DPYSL2: variants seen among roughly 807,000 people sequenced by gnomAD.
The protein encoded by DPYSL2 is dihydropyrimidinase-related protein 2.
Under a neutral mutation model 69.9 loss-of-function variants are expected in DPYSL2, and 13 were observed. The observed-to-expected ratio is 0.19, with a 90% CI of 0.12 to 0.30. DPYSL2 has a LOEUF of 0.30. Among genes scored for constraint, DPYSL2 ranks in the 10% least tolerant of loss-of-function variants. The pLI, the probability that DPYSL2 is intolerant of heterozygous loss-of-function variation, is 1.00. For missense variants in DPYSL2, 587 were observed against 918.9 expected (o/e 0.64, Z 4.67); for synonymous variants, 326 against 359.1 (o/e 0.91, Z 1.04).
At position 26,621,945 on chromosome 8, in the gene DPYSL2, G is replaced by C. The variant is rs1802490106; in HGVS notation, c.629-2198G>C. Among the ~76,000 whole-genome samples, 1 of 152,226 alleles carries C rather than the reference G, an allele frequency of 6.6e-6. No individual in the cohort carries two copies. ...GGGGAATGGCAGTGTTTGATGAAAGGTTTAAGATCCTTCTAGCTGCTTCTG... is the reference window on the plus strand; with the variant it reads ...GGGGAATGGCAGTGTTTGATGAAAGCTTTAAGATCCTTCTAGCTGCTTCTG... On this transcript the variant is annotated intron_variant, in intron 3 of 13. Transcript: ENST00000521913. This position sits in a 1 kb window ranked among gnomAD's most constrained non-coding sequence, Gnocchi z 4.9.
At chr8:26,523,169 A>T (rs12682608) in intron 1 of DPYSL2, among the ~76,000 whole-genome samples, 116,438 of 150,488 alleles carry the variant, frequency 0.77, 48,106 homozygotes, top group East Asian at 0.94. Context: ...ATATATATAT[A>T]TTTTTAAATA....
At chr8:26,528,801 A>G (rs1254784930) in intron 1 of DPYSL2, among the ~76,000 whole-genome samples, 2 of 152,204 alleles carry the variant, frequency 1.3e-5, no homozygotes, top group Non-Finnish European at 2.9e-5. Flanking sequence ...ATAGGTGGCC[A>G]AGAGCCTTTA....
At chr8:26,536,770 G>T (rs909056494) in intron 1 of DPYSL2, among the ~76,000 whole-genome samples, 4 of 152,188 alleles carry the variant, frequency 2.6e-5, no homozygotes, top group Non-Finnish European at 5.9e-5. Context: ...GAATGAAGAG[G>T]AATCTGTAAG....
intron 3 of DPYSL2, among the ~76,000 whole-genome samples, chr8:26,594,862 A>T (rs1801822148): frequency 6.6e-6 from 1 of 152,156 alleles, no homozygotes; most frequent in Non-Finnish European, 1.5e-5. Flanking sequence ...TTTTGAACAT[A>T]GCAGGAAAAA....
intron 7 of DPYSL2, among the ~76,000 whole-genome samples, chr8:26,634,428 C>CTTTTTTTTTTTTT (rs55746168): frequency 3.3e-5 from 3 of 91,146 alleles, no homozygotes; most frequent in East Asian, 3.8e-4. Context: ...CCATGCCCAG[C>CTTTTTTTTTTTTT]TTTTTTTTTT....
chr8:26,557,974 C>G (rs971945502), intron 1 of DPYSL2, among the ~76,000 whole-genome samples: 3 of 151,828 alleles, frequency 2.0e-5, no homozygotes, highest in African/African-American at 7.3e-5. Context: ...GCAACAGGAA[C>G]TCTCATTCAT....
intron 3 of DPYSL2, among the ~76,000 whole-genome samples, chr8:26,592,822 A>T (rs1304604323): frequency 6.6e-6 from 1 of 151,926 alleles, no homozygotes; most frequent in African/African-American, 2.4e-5. Context: ...TGGCCAAGGG[A>T]TTTGTGTTTT....
rs1019542311 is a variant in DPYSL2 at position 26,652,284 on chromosome 8, A to G, written c.1624A>G (p.Met542Val). Residue 542 changes from methionine to valine, a missense_variant, in exon 12 of 14, where the codon ATG becomes GTG. Physicochemically the swap from Met to Val is conservative, Grantham distance 21. Around this residue, in one of 3 missense-constraint regions of DPYSL2, gnomAD observed 452 missense variants for 754.3 expected, o/e 0.60. Coordinates refer to ENST00000521913, the MANE Select transcript of DPYSL2 (RefSeq NM_001197293.3). The surrounding 1 kb of genome is among the most constrained non-coding windows in gnomAD (Gnocchi z 6.3). ...SSLEYNIFEG[M>V]ECRGSPLVVI... ...TCTCGAGTACAACATCTTTGAAGGC[A>G]TGGAGTGCCGCGGCTCCCCACTGGT... 24 of 1,613,952 alleles carry G rather than the reference A, an allele frequency of 1.5e-5. No individual in the cohort carries two copies. The African/African-American group carries it at 2.0e-4, about 13-fold the overall frequency.
At chr8:26,543,329 C>A (rs1800714102) in intron 1 of DPYSL2, among the ~76,000 whole-genome samples, 1 of 152,198 alleles carries the variant, frequency 6.6e-6, no homozygotes, top group African/African-American at 2.4e-5. Flanking sequence ...CATCTGCATA[C>A]ATCTCTCCCT....
intron 1 of DPYSL2, among the ~76,000 whole-genome samples, chr8:26,515,792 A>G (rs937358953): frequency 1.3e-5 from 2 of 152,230 alleles, no homozygotes; most frequent in African/African-American, 4.8e-5. Context: ...TCAATGAATG[A>G]TTGTTGATTG....
rs942263999 is a variant in DPYSL2, at chr8:26,593,152, G to C, written c.628+9169G>C. ...AATATGACTAAGTGTTCCCCCTAAT[G>C]ACAGAGAGGATGTTGCTGGGGGTTG... is the stretch of plus-strand genomic sequence containing the variant. On this transcript the variant is annotated intron_variant, in intron 3 of 13. Transcript: ENST00000521913. This position sits in a 1 kb window ranked among gnomAD's most constrained non-coding sequence, Gnocchi z 5.7. 2.0e-5 allele frequency among the ~76,000 whole-genome samples: 3 copies of C among 152,146 alleles called. No homozygotes were observed. Among genetic ancestry groups the C allele is most frequent in the Non-Finnish European group, 4.4e-5 (3 of 68,020 alleles).
At chr8:26,574,147 G>C (rs1801287544) in intron 1 of DPYSL2, among the ~76,000 whole-genome samples, 1 of 152,150 alleles carries the variant, frequency 6.6e-6, no homozygotes, top group Non-Finnish European at 1.5e-5. Context: ...TTAAGGCTGT[G>C]GGGGTAGGAT....
chr8:26,582,163 G>A lies in DPYSL2; in HGVS notation c.443+106G>A. On this transcript the variant is annotated intron_variant, in intron 2 of 13. Coordinates refer to ENST00000521913, the MANE Select transcript of DPYSL2 (RefSeq NM_001197293.3). The surrounding 1 kb of genome is among the most constrained non-coding windows in gnomAD (Gnocchi z 4.1). ...TATCAAACTTCAGGAACATCAGAGA[G>A]TGACCAACTTAGTATCTGTTTTAAA... 2 of 855,718 alleles carry A rather than the reference G, an allele frequency of 2.3e-6. No individual in the cohort carries two copies. The highest frequency in any genetic ancestry group is 3.7e-6 in the Non-Finnish European group (2 of 537,348). The allele number at this position is 855,718 out of a possible 1,614,324, so 53.0% of individuals were successfully genotyped here. A position where few individuals can be genotyped will look rare whatever the true frequency, so the allele number is the denominator to read the frequency against.
chr8:26,634,658 G>T (rs1477535768), intron 7 of DPYSL2, 122 bp from the exon 8 acceptor site: 2 of 1,536,948 alleles, frequency 1.3e-6, no homozygotes, highest in African/African-American at 1.4e-5. Flanking sequence ...TGTCCCCTGG[G>T]GTAGGACCTT....
At chr8:26,518,503 C>G (rs1341918444) in intron 1 of DPYSL2, among the ~76,000 whole-genome samples, 1 of 152,162 alleles carries the variant, frequency 6.6e-6, no homozygotes, top group African/African-American at 2.4e-5. Context: ...TTAAGTGCAG[C>G]TCAGTGGTGT....
rs1049171426 is a variant in DPYSL2 at position 26,533,707 on chromosome 8, C to G, written c.354+19028C>G. Reference sequence around the variant, plus strand: ...ACCACTGGTGCCAAAAAGGCTGCATCGGGAGTGAAGTCAATGACCACAGCT... The same window carrying G: ...ACCACTGGTGCCAAAAAGGCTGCATGGGGAGTGAAGTCAATGACCACAGCT... On this transcript the variant is annotated intron_variant, in intron 1 of 13. Coordinates refer to ENST00000521913, the MANE Select transcript of DPYSL2 (RefSeq NM_001197293.3). The surrounding 1 kb of genome is among the most constrained non-coding windows in gnomAD (Gnocchi z 4.8). Among the ~76,000 whole-genome samples, 2 of 152,176 alleles carry G rather than the reference C, an allele frequency of 1.3e-5. No individual in the cohort carries two copies. Among genetic ancestry groups the G allele is most frequent in the Non-Finnish European group, 2.9e-5 (2 of 68,038 alleles).
rs1801474249 is a variant in DPYSL2 at position 26,580,783 on chromosome 8, T to G, written c.355-1186T>G. 6.6e-6 allele frequency among the ~76,000 whole-genome samples: 1 copy of G among 152,228 alleles called. No homozygotes were observed. Among genetic ancestry groups the G allele is most frequent in the African/African-American group, 2.4e-5 (1 of 41,464 alleles). ...GTCATTCTTTGAAATGTGTTGCATA[T>G]TAAAAGGGCAATGTATGGTTCAGCT... is the stretch of plus-strand genomic sequence containing the variant. On this transcript the variant is annotated intron_variant, in intron 1 of 13. Transcript: ENST00000521913. The surrounding 1 kb of genome is among the most constrained non-coding windows in gnomAD (Gnocchi z 4.1).
At position 26,657,410 on chromosome 8, in the gene DPYSL2, G is replaced by C. The variant is rs1803416326; in HGVS notation, c.*1704G>C. 1 of 152,588 alleles carries C rather than the reference G, an allele frequency of 6.6e-6. No homozygotes were observed. Among genetic ancestry groups the C allele is most frequent in the African/African-American group, 2.4e-5 (1 of 41,410 alleles). The allele number at this position is 152,588 out of a possible 1,614,324, so 9.5% of individuals were successfully genotyped here. ...CTCTTAAGCAATGTTGTATTTGCAG[G>C]CTTTTCTGAATACCAAATCTGCTTT... On this transcript the variant is annotated 3_prime_UTR_variant, in exon 14 of 14. Transcript: ENST00000521913.
At chr8:26,576,442 A>C (rs1801345039) in intron 1 of DPYSL2, among the ~76,000 whole-genome samples, 1 of 151,592 alleles carries the variant, frequency 6.6e-6, no homozygotes, top group Non-Finnish European at 1.5e-5. Context: ...CCCGAGCGCT[A>C]CGAGGGCTGG....
Sources: gnomAD v4.1 joint callset for allele counts (sites outside exome capture counted in the v4.1 genomes callset) on GRCh38, gnomAD v4.1.1 for gene constraint, gnomAD v4.1.1 regional missense constraint, Gnocchi (gnomAD v3.1) non-coding constraint, MANE v1.5 for transcripts, NCBI Gene and HGNC (gene_info 2026-07-23, HGNC 2026-07-21) for gene names.